DRICH1: variants seen among roughly 807,000 people sequenced by gnomAD.
DRICH1 encodes the protein aspartate-rich protein 1.
A neutral mutation model predicts 39.5 loss-of-function variants in DRICH1; 38 were observed. The ratio of observed to expected loss-of-function variants is 0.96; its 90% CI spans 0.74 to 1.26. The LOEUF (loss-of-function observed/expected upper bound fraction) is 1.26. DRICH1 is among the 50% of genes most tolerant of loss of function. DRICH1 has a pLI of 0.00. For missense variants in DRICH1, 279 were observed against 270.4 expected, an observed-to-expected ratio of 1.03 and a Z score of -0.22; for synonymous variants, 84 against 99.5, an observed-to-expected ratio of 0.84 and a Z score of 0.93.
At chr22:23,604,367 C>A (rs1417390460), downstream of DRICH1, among the ~76,000 whole-genome samples, 1 of 152,160 alleles carries the variant, frequency 6.6e-6, no homozygotes, top group African/African-American at 2.4e-5. Context: ...TCTGTGGAGA[C>A]CCCTCAGGCT....
intron 11 of DRICH1, 106 bp downstream of exon 11, chr22:23,613,183 G>T (rs1221919636): frequency 2.4e-6 from 2 of 829,464 alleles, no homozygotes; most frequent in African/African-American, 1.7e-5. Flanking sequence ...TTTTCTTTCT[G>T]ATTTCATACC....
intron 6 of DRICH1, among the ~76,000 whole-genome samples, chr22:23,618,970 G>A (rs1323622772): frequency 2.0e-5 from 3 of 151,914 alleles, no homozygotes; most frequent in African/African-American, 7.3e-5. Flanking sequence ...TCAAGAGATC[G>A]AGACCATCCT....
upstream of DRICH1, chr22:23,632,431 G>GCC: frequency 8.1e-6 from 2 of 247,454 alleles, no homozygotes; most frequent in East Asian, 1.1e-4. Flanking sequence ...CAGCCCCACA[G>GCC]CCCCCCCCAA....
chr22:23,624,136 T>C, intron 3 of DRICH1: 1 of 985,320 alleles, frequency 1.0e-6, no homozygotes, highest in African/African-American at 1.7e-5. Context: ...GACAAATGAA[T>C]GTGCTGCCAT....
chr22:23,586,337 A>G, the DRICH1 span, among the ~76,000 whole-genome samples: 1 of 152,178 alleles, frequency 6.6e-6, no homozygotes, highest in African/African-American at 2.4e-5. Context: ...AAAACATTAA[A>G]AACTAGCTGG....
rs541095171 is a variant in DRICH1 at position 23,628,193 on chromosome 22, A to G, written c.209-2145T>C. Among the ~76,000 whole-genome samples the G allele has an allele frequency of 2.0e-5, 3 of 152,308 alleles. No individual in the cohort carries two copies. The East Asian group carries it at 5.8e-4, about 29-fold the overall frequency. On this transcript the variant is annotated intron_variant, in intron 1 of 11. Transcript: ENST00000317749. ...CTCTGCTGAGCTCATGGTGCACTGG[A>G]ACTTGTGTCCCTCCCCACCTCCCCT...
chr22:23,595,964 A>G, the DRICH1 span, among the ~76,000 whole-genome samples: 7,043 of 152,256 alleles, frequency 0.046, 193 homozygotes, highest in South Asian at 0.082. Context: ...ATCATCTTAC[A>G]TCCCTGCATT....
chr22:23,583,973 GC>G, the DRICH1 span: 1 of 152,686 alleles, frequency 6.5e-6, no homozygotes, highest in Non-Finnish European at 1.5e-5. Flanking sequence ...TTTAAATAGT[GC>G]CCCCAGCCGC....
At chr22:23,586,312 A>G in the DRICH1 span, among the ~76,000 whole-genome samples, 2 of 152,154 alleles carry the variant, frequency 1.3e-5, no homozygotes, top group Non-Finnish European at 2.9e-5. Context: ...AACATGGTGA[A>G]ACCCCATCTC....
chr22:23,585,401 T>C, the DRICH1 span, among the ~76,000 whole-genome samples: 1 of 152,240 alleles, frequency 6.6e-6, no homozygotes, highest in South Asian at 2.1e-4. Flanking sequence ...CCTCCTGAAG[T>C]GCTGGGATTA....
the DRICH1 span, among the ~76,000 whole-genome samples, chr22:23,591,987 G>A: frequency 8.5e-5 from 13 of 152,138 alleles, no homozygotes; most frequent in Non-Finnish European, 1.9e-4. Context: ...AGCTAACATG[G>A]GAATAGGACT....
intron 8 of DRICH1, among the ~76,000 whole-genome samples, chr22:23,616,009 A>C (rs1927327988): frequency 6.6e-6 from 1 of 152,206 alleles, no homozygotes; most frequent in Non-Finnish European, 1.5e-5. Context: ...TCCATTTCCA[A>C]GACACTGAAG....
intron 3 of DRICH1, chr22:23,624,258 A>C: frequency 1.0e-6 from 1 of 985,402 alleles, no homozygotes; most frequent in Non-Finnish European, 1.2e-6. Context: ...CTGTGTCCCA[A>C]ACCACAGGCT....
chr22:23,619,673 A>G (rs964941372), intron 5 of DRICH1, among the ~76,000 whole-genome samples: 6 of 152,236 alleles, frequency 3.9e-5, no homozygotes, highest in Admixed American at 3.9e-4. Flanking sequence ...TCCACAAATG[A>G]TGGTAAAACT....
chr22:23,617,261 T>A (rs984265702), intron 7 of DRICH1, among the ~76,000 whole-genome samples: 1 of 152,230 alleles, frequency 6.6e-6, no homozygotes, highest in Non-Finnish European at 1.5e-5. Context: ...TTGTACATAA[T>A]GTGACTTGTC....
chr22:23,625,543 G>C (rs1275467270), intron 2 of DRICH1, among the ~76,000 whole-genome samples: 2 of 152,064 alleles, frequency 1.3e-5, no homozygotes, highest in Non-Finnish European at 2.9e-5. Flanking sequence ...AAGTTTACTA[G>C]CCTGCAAAAT....
chr22:23,612,237 G>A (rs964198808), intron 11 of DRICH1, among the ~76,000 whole-genome samples: 5 of 151,832 alleles, frequency 3.3e-5, no homozygotes, highest in African/African-American at 1.2e-4. Context: ...AGGCTGAGGC[G>A]GGCAGATCGC....
chr22:23,629,933 C>A (rs758304150), intron 1 of DRICH1, among the ~76,000 whole-genome samples: 1 of 152,096 alleles, frequency 6.6e-6, no homozygotes, highest in Non-Finnish European at 1.5e-5. Context: ...TGGAGCATTT[C>A]TAAGGCTTGA....
the DRICH1 span, among the ~76,000 whole-genome samples, chr22:23,591,193 C>A: frequency 1.1e-3 from 174 of 152,278 alleles, no homozygotes; most frequent in Non-Finnish European, 1.9e-3. Flanking sequence ...TTCAGGCCTG[C>A]GGAATGGTTG....
Sources: gnomAD v4.1 joint callset for allele counts (sites outside exome capture counted in the v4.1 genomes callset) on GRCh38, gnomAD v4.1.1 for gene constraint, MANE v1.5 for transcripts, NCBI Gene and HGNC (gene_info 2026-07-23, HGNC 2026-07-21) for gene names.